INPP5F: variants seen among roughly 807,000 people sequenced by gnomAD.
INPP5F encodes inositol polyphosphate-5-phosphatase F, also known as phosphatidylinositide 4-phosphatase SAC2.
INPP5F carries 97 observed loss-of-function variants against 137.2 expected under a neutral mutation model. The ratio of observed to expected loss-of-function variants is 0.71; its 90% CI spans 0.60 to 0.84. The LOEUF (loss-of-function observed/expected upper bound fraction) is 0.84, where lower values mean the gene tolerates loss of function less well. Among genes scored for constraint, INPP5F ranks in the 40% least tolerant of loss-of-function variants. The pLI, the probability that INPP5F is intolerant of heterozygous loss-of-function variation, is 0.00. For synonymous variants in INPP5F, 504 were observed against 476.9 expected (o/e 1.06, Z -0.74); for missense variants, 1,271 against 1,371.9 (o/e 0.93, Z 1.16).
chr10:119,769,683 T>A (rs1849280445), intron 2 of INPP5F, among the ~76,000 whole-genome samples: 1 of 152,162 alleles, frequency 6.6e-6, no homozygotes. Context: ...CTTCTCCTGC[T>A]CTTGGACATC....
intron 6 of INPP5F, 72 bp from the exon 7 acceptor site, chr10:119,796,643 C>T (rs143032805): frequency 1.8e-6 from 2 of 1,107,874 alleles, no homozygotes; most frequent in African/African-American, 1.5e-5. Flanking sequence ...TATGTGCTGA[C>T]TACTGTTTGG....
In INPP5F at chr10:119,805,405, T is replaced by C; in HGVS notation, c.1263T>C (p.Asn421=). The change falls in exon 11 of 20, where the codon AAT becomes AAC. Residue 421 remains asparagine, a synonymous_variant. Transcript: ENST00000650623. The stretch of plus-strand genomic sequence containing the variant: ...TTAGCCGAGGAATGAAGTTTGAGAA[T>C]GTTCAGACACTAACAGATGCCATTT... ...HEHCRGMKFE[N]VQTLTDAIYD... 6.2e-7 allele frequency: 1 copy of C among 1,613,244 alleles called. No homozygotes were observed. Among genetic ancestry groups the C allele is most frequent in the Non-Finnish European group, 8.5e-7 (1 of 1,179,366 alleles).
intron 1 of INPP5F, among the ~76,000 whole-genome samples, chr10:119,741,341 C>T (rs1290302151): frequency 6.6e-6 from 1 of 152,148 alleles, no homozygotes; most frequent in Non-Finnish European, 1.5e-5. Flanking sequence ...AATTTACTAC[C>T]TGTTGTCCCG....
At chr10:119,755,435 C>T (rs1024629380) in intron 2 of INPP5F, among the ~76,000 whole-genome samples, 1 of 152,132 alleles carries the variant, frequency 6.6e-6, no homozygotes, top group African/African-American at 2.4e-5. Flanking sequence ...TTAAGGCCCA[C>T]TCAAATAAAC....
rs568332868 is a variant in INPP5F at position 119,744,015 on chromosome 10, C to G, written c.98-7061C>G. ...CAGGTGAAGCAGTCAGAAAAATTAG[C>G]AAGTACGTAGAGGGGTTGAACAAAA... On this transcript the variant is annotated intron_variant, in intron 1 of 19. Coordinates refer to ENST00000650623, the MANE Select transcript of INPP5F (RefSeq NM_014937.4). 6.4e-4 allele frequency among the ~76,000 whole-genome samples: 97 copies of G among 152,270 alleles called. 1 individual carries two copies. The highest frequency in any genetic ancestry group is 2.2e-3 in the African/African-American group (92 of 41,548).
chr10:119,821,749 T>C (rs1851571540), intron 16 of INPP5F, among the ~76,000 whole-genome samples: 2 of 146,468 alleles, frequency 1.4e-5, no homozygotes, highest in Admixed American at 1.3e-4. Context: ...CGTCTCTTGC[T>C]CTGTGTGTGT....
rs1000963472 is a variant in INPP5F, at chr10:119,742,186, C to T, written c.98-8890C>T. On this transcript the variant is annotated intron_variant, in intron 1 of 19. Coordinates refer to ENST00000650623, the MANE Select transcript of INPP5F (RefSeq NM_014937.4). ...TTATTTATTTTTTGAGACAGAGTCT[C>T]GCTCTGTTGTCCAGGCTGGAGTGCA... 4.6e-5 allele frequency among the ~76,000 whole-genome samples: 7 copies of T among 151,222 alleles called. No individual in the cohort carries two copies. The East Asian group carries it at 5.9e-4, about 13-fold the overall frequency.
Position 119,781,753 on chromosome 10 carries a change from T to C in INPP5F, c.297T>C (p.Pro99=). 6.2e-7 allele frequency: 1 copy of C among 1,606,574 alleles called. No homozygotes were observed. The highest frequency in any genetic ancestry group is 2.2e-5 in the East Asian group (1 of 44,722). ...IAVLSLSEME[P]QDLELELCKK... ...TGCTCTCACTTTCTGAAATGGAACCTCAGGATCTTGAGCTAGAGGTAGGTG... is the reference window on the plus strand; with the variant it reads ...TGCTCTCACTTTCTGAAATGGAACCCCAGGATCTTGAGCTAGAGGTAGGTG... The change falls in exon 3 of 20, where the codon CCT becomes CCC. Residue 99 remains proline (P), a synonymous_variant. Transcript: ENST00000650623.
At chr10:119,744,187 A>C (rs921170815) in intron 1 of INPP5F, among the ~76,000 whole-genome samples, 1 of 151,390 alleles carries the variant, frequency 6.6e-6, no homozygotes. Flanking sequence ...TGATGGATTG[A>C]CTCCCCCCCT....
chr10:119,807,142 C>T (rs903157550), intron 12 of INPP5F, among the ~76,000 whole-genome samples: 2 of 152,002 alleles, frequency 1.3e-5, no homozygotes, highest in South Asian at 4.2e-4. Flanking sequence ...GCGTGGTGGC[C>T]GTCATCTGTA....
intron 3 of INPP5F, among the ~76,000 whole-genome samples, chr10:119,784,505 A>C (rs531772608): frequency 6.6e-6 from 1 of 152,286 alleles, no homozygotes; most frequent in South Asian, 2.1e-4. Context: ...AATAATCTGC[A>C]TTTATTCCAG....
In INPP5F at chr10:119,796,823, G is replaced by A; in HGVS notation, c.778G>A (p.Glu260Lys). ...ATCTGATGATGAGAAAAGCAGCCCA[G>A]AGACCCCCCCTCAGGAGTCCACCTG... ...ESSDDEKSSPETPPQESTCVD... is the reference protein window; with the variant it reads ...ESSDDEKSSPKTPPQESTCVD... The change falls in exon 7 of 20, where the codon GAG becomes AAG. Residue 260 changes from glutamate to lysine, a missense_variant. Physicochemically the swap from Glu to Lys is moderately conservative, Grantham distance 56. Transcript: ENST00000650623. 1 of 1,613,616 alleles carries A rather than the reference G, an allele frequency of 6.2e-7. No individual in the cohort carries two copies. Among genetic ancestry groups the A allele is most frequent in the Non-Finnish European group, 8.5e-7 (1 of 1,179,828 alleles).
chr10:119,752,127 G>T (rs1396967997), intron 2 of INPP5F, among the ~76,000 whole-genome samples: 2 of 152,174 alleles, frequency 1.3e-5, no homozygotes, highest in Non-Finnish European at 2.9e-5. Flanking sequence ...TTAGAAATAA[G>T]CACGTATATC....
rs1187988448 is a variant in INPP5F, at chr10:119,811,806, C to T, written c.1737C>T (p.Thr579=). 2 of 1,613,864 alleles carry T rather than the reference C, an allele frequency of 1.2e-6. No individual in the cohort carries two copies. The highest frequency in any genetic ancestry group is 1.7e-5 in the Admixed American group (1 of 59,990). ...CAGAAGATCTTTATTCCATATTTAC[C>T]AAGGAGAAAGAACATGAAGCTTTGC... ...PVTEDLYSIF[T]KEKEHEALHK... Residue 579 remains threonine, a synonymous_variant, in exon 15 of 20, where the codon ACC becomes ACT. Transcript: ENST00000650623.
intron 1 of INPP5F, among the ~76,000 whole-genome samples, chr10:119,734,232 G>A (rs1848161878): frequency 6.6e-6 from 1 of 152,062 alleles, no homozygotes; most frequent in Non-Finnish European, 1.5e-5. Context: ...GCTAATTTTA[G>A]TCCTTGTGAT....
intron 1 of INPP5F, among the ~76,000 whole-genome samples, chr10:119,745,087 G>A (rs1213807227): frequency 6.6e-6 from 1 of 151,954 alleles, no homozygotes; most frequent in Non-Finnish European, 1.5e-5. Flanking sequence ...GGTATTGAAT[G>A]AGGAGGTTCT....
chr10:119,825,855 A>G (rs1851736519), intron 19 of INPP5F: 1 of 397,680 alleles, frequency 2.5e-6, no homozygotes, highest in Non-Finnish European at 4.4e-6. Context: ...TTTCTGCAGT[A>G]TGCTCATGAT....
intron 2 of INPP5F, among the ~76,000 whole-genome samples, chr10:119,773,049 A>C (rs542313617): frequency 1.0e-4 from 15 of 147,922 alleles, no homozygotes; most frequent in South Asian, 2.2e-4. Context: ...CGCCCAGCCT[A>C]ATTTTTAAAA....
In INPP5F at chr10:119,827,285, G is replaced by T; in HGVS notation, c.2904G>T (p.Gln968His). 1 of 1,614,164 alleles carries T rather than the reference G, an allele frequency of 6.2e-7. No individual in the cohort carries two copies. The highest frequency in any genetic ancestry group is 8.5e-7 in the Non-Finnish European group (1 of 1,180,030). The change falls in exon 20 of 20, where the codon CAG (glutamine) becomes CAT (histidine). Residue 968 changes from glutamine to histidine, a missense_variant. Gln to His is a conservative substitution (Grantham distance 24, BLOSUM62 0). Around this residue, in one of 6 missense-constraint regions of INPP5F, gnomAD observed 490 missense variants for 443.7 expected, o/e 1.10. Coordinates refer to ENST00000650623, the MANE Select transcript of INPP5F (RefSeq NM_014937.4). ...IYCHRFVQDA[Q>H]NKVTHLSETR... is the part of the protein sequence containing the mutation. ...GCCACAGATTTGTGCAAGATGCACA[G>T]AACAAAGTGACCCACCTATCAGAGA...
Sources: gnomAD v4.1 joint callset for allele counts (sites outside exome capture counted in the v4.1 genomes callset) on GRCh38, gnomAD v4.1.1 for gene constraint, gnomAD v4.1.1 regional missense constraint, MANE v1.5 for transcripts, NCBI Gene and HGNC (gene_info 2026-07-23, HGNC 2026-07-21) for gene names.